Variants in MACROD2 observed in about 807,000 individuals in gnomAD.
MACROD2 encodes the protein mono-ADP ribosylhydrolase 2, also known as ADP-ribose glycohydrolase MACROD2.
Under a neutral mutation model 70.4 loss-of-function variants are expected in MACROD2, and 36 were observed. The observed-to-expected ratio is 0.51, with a 90% CI of 0.39 to 0.68. The LOEUF (loss-of-function observed/expected upper bound fraction) is 0.68, where lower values mean the gene tolerates loss of function less well. MACROD2 is among the 30% of genes least tolerant of loss of function. The probability of loss-of-function intolerance (pLI) is 0.00; values close to 1 mark genes in which losing one functional copy is unlikely to be tolerated. For synonymous variants in MACROD2, 172 were observed against 178.8 expected, an observed-to-expected ratio of 0.96 and a Z score of 0.30; for missense variants, 496 against 538.4, an observed-to-expected ratio of 0.92 and a Z score of 0.78.
At chr20:14,869,264 G>C (rs1040867278) in intron 5 of MACROD2, among the ~76,000 whole-genome samples, 1 of 152,174 alleles carries the variant, frequency 6.6e-6, no homozygotes, top group African/African-American at 2.4e-5. Flanking sequence ...CAAAAGATTG[G>C]TTGCCTTGAG....
At chr20:14,862,660 TATATATAA>T (rs1465800441) in intron 5 of MACROD2, among the ~76,000 whole-genome samples, 1 of 44,674 alleles carries the variant, frequency 2.2e-5, no homozygotes, top group African/African-American at 8.8e-5. Context: ...TATATAAATA[TATATATAA>T]ATATATATAA....
intron 12 of MACROD2, among the ~76,000 whole-genome samples, chr20:15,958,783 G>A (rs2066015737): frequency 6.6e-6 from 1 of 152,170 alleles, no homozygotes; most frequent in Non-Finnish European, 1.5e-5. Context: ...ATGAGGTTAT[G>A]AGGGTTGGTC....
intron 6 of MACROD2, among the ~76,000 whole-genome samples, chr20:15,272,486 A>G (rs1278298273): frequency 6.6e-6 from 1 of 152,240 alleles, no homozygotes; most frequent in Non-Finnish European, 1.5e-5. Flanking sequence ...TCTGTCACAA[A>G]TCAATTATAA....
intron 5 of MACROD2, among the ~76,000 whole-genome samples, chr20:15,097,255 A>G (rs2075840763): frequency 6.6e-6 from 1 of 152,206 alleles, no homozygotes; most frequent in Non-Finnish European, 1.5e-5. Context: ...CATTGCCCAA[A>G]GTGTGGTATT....
chr20:14,362,067 G>C (rs553855602), intron 3 of MACROD2, among the ~76,000 whole-genome samples: 1 of 152,178 alleles, frequency 6.6e-6, no homozygotes, highest in Non-Finnish European at 1.5e-5. Flanking sequence ...CCAAGTGTCA[G>C]CTTCTGTAAT....
chr20:14,200,848 C>A (rs6079350), intron 3 of MACROD2, among the ~76,000 whole-genome samples: 142,400 of 152,196 alleles, frequency 0.94, 66,721 homozygotes, highest in East Asian at 0.99. Context: ...ATTATTCATG[C>A]CTTTTTGCCT....
At chr20:14,157,155 C>T (rs1371570770) in intron 3 of MACROD2, among the ~76,000 whole-genome samples, 1 of 152,102 alleles carries the variant, frequency 6.6e-6, no homozygotes. Flanking sequence ...AGTGAGGCTC[C>T]CTATTCATGC....
intron 5 of MACROD2, among the ~76,000 whole-genome samples, chr20:15,218,977 C>A (rs1241454365): frequency 6.6e-6 from 1 of 151,790 alleles, no homozygotes. Flanking sequence ...ACCCGGGAGG[C>A]GGAGCTTGCA....
At chr20:14,938,696 A>C (rs1284366031) in intron 5 of MACROD2, among the ~76,000 whole-genome samples, 2 of 152,000 alleles carry the variant, frequency 1.3e-5, no homozygotes, top group Non-Finnish European at 2.9e-5. Context: ...CGGGAGGATC[A>C]CCTGAGCCCA....
At chr20:14,219,701 C>CT (rs1370797213) in intron 3 of MACROD2, among the ~76,000 whole-genome samples, 1 of 152,172 alleles carries the variant, frequency 6.6e-6, no homozygotes, top group Admixed American at 6.5e-5. Context: ...TGTTCAGATT[C>CT]TTTTTTCCCA....
At chr20:14,797,819 T>C (rs1219952422) in intron 5 of MACROD2, among the ~76,000 whole-genome samples, 2 of 152,078 alleles carry the variant, frequency 1.3e-5, no homozygotes, top group Non-Finnish European at 1.5e-5. Context: ...GTATTCCCAG[T>C]GCGTATTGCC....
At chr20:14,906,498 A>G (rs2073960943) in intron 5 of MACROD2, among the ~76,000 whole-genome samples, 1 of 152,134 alleles carries the variant, frequency 6.6e-6, no homozygotes, top group South Asian at 2.1e-4. Context: ...AGTCACCAAA[A>G]GAAAAGAAAA....
intron 4 of MACROD2, among the ~76,000 whole-genome samples, chr20:14,570,719 A>C (rs1185478680): frequency 6.6e-6 from 1 of 152,134 alleles, no homozygotes; most frequent in East Asian, 1.9e-4. Flanking sequence ...TTAGAACACT[A>C]AGGAAGATAG....
chr20:14,831,921 C>CTTTTTTTTTTTTTTTTT, intron 5 of MACROD2, among the ~76,000 whole-genome samples: 1 of 145,282 alleles, frequency 6.9e-6, no homozygotes, highest in South Asian at 2.2e-4. Context: ...TTGTTATGTT[C>CTTTTTTTTTTTTTTTTT]TTGGGGATGC....
chr20:14,699,982 A>AAAGTTTAAACTTTTTAAATCTAG (rs2071174718), intron 5 of MACROD2, among the ~76,000 whole-genome samples: 3 of 99,434 alleles, frequency 3.0e-5, no homozygotes, highest in African/African-American at 1.0e-4. Context: ...CTAGAAGTTT[A>AAAGTTTAAACTTTTTAAATCTAG]AAGTTTAAAG....
chr20:15,885,698 C>T, intron 9 of MACROD2, 66 bp from the exon 10 acceptor site: 1 of 1,357,502 alleles, frequency 7.4e-7, no homozygotes, highest in Non-Finnish European at 9.7e-7. Context: ...AATAATCCAT[C>T]TGGAACATTC....
At position 15,198,754 on chromosome 20, in the gene MACROD2, A is replaced by C. The variant is rs532426406; in HGVS notation, c.419-31186A>C. 6.6e-5 allele frequency among the ~76,000 whole-genome samples: 10 copies of C among 152,240 alleles called. No individual in the cohort carries two copies. The South Asian group carries it at 1.9e-3, about 28-fold the overall frequency. On this transcript the variant is annotated intron_variant, in intron 5 of 17. Coordinates refer to ENST00000684519, the MANE Select transcript of MACROD2 (RefSeq NM_001351661.2). ...GAGGGCAATTTTTATGAACCCCACA[A>C]TTTACATTTACAAAGTTATTTCCAT...
At chr20:15,357,703 A>C (rs1274028892) in intron 6 of MACROD2, among the ~76,000 whole-genome samples, 1 of 152,144 alleles carries the variant, frequency 6.6e-6, no homozygotes, top group African/African-American at 2.4e-5. Context: ...CATAGCAGTA[A>C]TCCTAATAAG....
intron 5 of MACROD2, among the ~76,000 whole-genome samples, chr20:14,709,473 C>A (rs575268755): frequency 6.6e-6 from 1 of 152,218 alleles, no homozygotes; most frequent in South Asian, 2.1e-4. Context: ...CTGCCTCAAA[C>A]CACTGTATCC....
Sources: allele counts gnomAD v4.1 joint callset (sites outside exome capture counted in the v4.1 genomes callset), GRCh38; gene constraint gnomAD v4.1.1; transcripts MANE v1.5; gene names NCBI Gene and HGNC (gene_info 2026-07-23, HGNC 2026-07-21).